The following SIRT5 variants were observed in gnomAD, a reference collection of about 807,000 sequenced individuals.
SIRT5 encodes sirtuin 5.
Under a neutral mutation model 40.0 loss-of-function variants are expected in SIRT5, and 26 were observed. The ratio of observed to expected loss-of-function variants is 0.65; its 90% confidence interval spans 0.48 to 0.90. SIRT5 has a LOEUF of 0.90. Ranked by LOEUF, SIRT5 falls within the 40% of genes least tolerant of loss-of-function variation. The probability of loss-of-function intolerance (pLI) is 0.00; values close to 1 mark genes in which losing one functional copy is unlikely to be tolerated. For synonymous variants in SIRT5, 146 were observed against 149.1 expected (o/e 0.98, Z 0.15); for missense variants, 401 against 402.4 (o/e 1.00, Z 0.03).
At chr6:13,582,790 G>T (rs537172819) in intron 2 of SIRT5, among the ~76,000 whole-genome samples, 11 of 152,248 alleles carry the variant, frequency 7.2e-5, no homozygotes, top group Non-Finnish European at 1.5e-4. Context: ...TATAGACAAA[G>T]ATTTACTGAA....
chr6:13,584,356 C>CT, intron 3 of SIRT5, 131 bp downstream of exon 3: 2 of 675,132 alleles, frequency 3.0e-6, no homozygotes, highest in South Asian at 1.8e-5. Context: ...CTGTCATCTT[C>CT]TCTTTTTTTT....
chr6:13,596,010 CAAA>C (rs1285562806), intron 6 of SIRT5, among the ~76,000 whole-genome samples: 1 of 151,814 alleles, frequency 6.6e-6, no homozygotes, highest in South Asian at 2.1e-4. Flanking sequence ...AACAAACAAA[CAAA>C]AAAACTAAAT....
chr6:13,575,756 C>T (rs892296748), intron 1 of SIRT5, among the ~76,000 whole-genome samples: 2 of 152,140 alleles, frequency 1.3e-5, no homozygotes, highest in African/African-American at 2.4e-5. Flanking sequence ...AAAACTTACT[C>T]CTCTTACCTA....
intron 1 of SIRT5, among the ~76,000 whole-genome samples, chr6:13,578,777 G>T (rs1168287239): frequency 6.6e-6 from 1 of 151,282 alleles, no homozygotes; most frequent in African/African-American, 2.4e-5. Context: ...TTCAGAATTG[G>T]TAGGGTGCCC....
rs1761655726 is a variant in SIRT5, at chr6:13,597,070, A to G, written c.617+54A>G. The G allele has an allele frequency of 2.9e-6, 4 of 1,378,836 alleles. No individual in the cohort carries two copies. The South Asian group carries it at 5.0e-5, about 17-fold the overall frequency. 85.4% of individuals were successfully genotyped at this position (1,378,836 alleles called of 1,614,324 possible). On this transcript the variant is annotated intron_variant, in intron 7 of 9. Coordinates refer to ENST00000606117, the MANE Select transcript of SIRT5 (RefSeq NM_012241.5). ...TGTTCCAGGTTACCAAAACAAAAAAAAAAACAGACATCAAAACCTAAACAT... is the reference window on the plus strand; with the variant it reads ...TGTTCCAGGTTACCAAAACAAAAAAGAAAACAGACATCAAAACCTAAACAT...
At chr6:13,591,923 G>A in intron 5 of SIRT5, 29 bp downstream of exon 5, 1 of 1,600,000 alleles carries the variant, frequency 6.3e-7, no homozygotes, top group South Asian at 1.1e-5. Context: ...CCCATTCAGG[G>A]AACCAGCTTT....
At position 13,591,751 on chromosome 6, in the gene SIRT5, G is replaced by A. The variant is rs532065496; in HGVS notation, c.332G>A (p.Ser111Asn). ...CACTACCGGCGGGAGGTCATGGGGA[G>A]CAAGGAGCCCAACGCCGGGCACCGC... Reference protein sequence around the residue: ...FYHYRREVMGSKEPNAGHRAI... With the variant: ...FYHYRREVMGNKEPNAGHRAI... The change falls in exon 5 of 10, where the codon AGC becomes AAC. Residue 111 changes from serine (S) to asparagine (N), a missense_variant. Transcript: ENST00000606117. The A allele has an allele frequency of 4.3e-6, 7 of 1,613,306 alleles. No homozygotes were observed. The African/African-American group carries it at 5.3e-5, about 12-fold the overall frequency.
chr6:13,596,431 C>T (rs950457364), intron 6 of SIRT5, among the ~76,000 whole-genome samples: 16 of 152,050 alleles, frequency 1.1e-4, no homozygotes, highest in African/African-American at 3.9e-4. Flanking sequence ...CCTTGGCACA[C>T]CCAGCCACTC....
At chr6:13,597,709 C>T (rs1173790888) in intron 7 of SIRT5, among the ~76,000 whole-genome samples, 1 of 152,056 alleles carries the variant, frequency 6.6e-6, no homozygotes, top group Non-Finnish European at 1.5e-5. Context: ...CCACGCCTGG[C>T]TATTTTTTGT....
At chr6:13,608,134 A>G (rs897794376) in intron 9 of SIRT5, among the ~76,000 whole-genome samples, 1 of 152,230 alleles carries the variant, frequency 6.6e-6, no homozygotes, top group African/African-American at 2.4e-5. Context: ...TGAATGTTAT[A>G]ACTATCTGGT....
At chr6:13,578,304 C>T (rs757012021) in intron 1 of SIRT5, among the ~76,000 whole-genome samples, 17 of 152,146 alleles carry the variant, frequency 1.1e-4, no homozygotes, top group Non-Finnish European at 2.2e-4. Context: ...CAGGGTAATA[C>T]TGGCCTCCTA....
chr6:13,579,123 A>G (rs562091748), intron 1 of SIRT5, among the ~76,000 whole-genome samples: 39 of 152,180 alleles, frequency 2.6e-4, no homozygotes, highest in Non-Finnish European at 5.1e-4. Flanking sequence ...GGAAACTAGA[A>G]CCACTGCCTG....
In SIRT5 at chr6:13,577,012, G is replaced by A. The variant is rs570306576; in HGVS notation, c.-195+2268G>A. On this transcript the variant is annotated intron_variant, in intron 1 of 9. Coordinates refer to ENST00000606117, the MANE Select transcript of SIRT5 (RefSeq NM_012241.5). ...CTATTCCTGTTCCATTGGTTGATGTGCCGATTTTTATGCCAGTGCCATGCA... is the reference window on the plus strand; with the variant it reads ...CTATTCCTGTTCCATTGGTTGATGTACCGATTTTTATGCCAGTGCCATGCA... 2.5e-4 allele frequency among the ~76,000 whole-genome samples: 38 copies of A among 152,242 alleles called. No homozygotes were observed. The South Asian group carries it at 7.7e-3, about 31-fold the overall frequency.
At chr6:13,604,218 A>G (rs1052334486) in intron 9 of SIRT5, among the ~76,000 whole-genome samples, 4 of 152,252 alleles carry the variant, frequency 2.6e-5, no homozygotes, top group African/African-American at 4.8e-5. Context: ...GCTGTTAGAT[A>G]AAAAGTTAAA....
chr6:13,576,232 T>A (rs186944052), intron 1 of SIRT5, among the ~76,000 whole-genome samples: 4 of 152,354 alleles, frequency 2.6e-5, no homozygotes, highest in African/African-American at 7.2e-5. Flanking sequence ...GCCTCCATAC[T>A]GTTTTCCAAA....
At chr6:13,581,747 C>T (rs1052876258) in intron 2 of SIRT5, among the ~76,000 whole-genome samples, 6 of 152,170 alleles carry the variant, frequency 3.9e-5, no homozygotes, top group Non-Finnish European at 7.3e-5. Context: ...ACATAAACCA[C>T]GTCACAGAGC....
At chr6:13,594,248 T>C (rs1050410658) in intron 5 of SIRT5, among the ~76,000 whole-genome samples, 3 of 152,200 alleles carry the variant, frequency 2.0e-5, no homozygotes, top group African/African-American at 7.2e-5. Context: ...GATGATGATG[T>C]TACAGTCTCA....
intron 1 of SIRT5, 62 bp downstream of exon 1, chr6:13,574,806 G>A (rs1001674098): frequency 6.6e-6 from 1 of 152,468 alleles, no homozygotes; most frequent in Non-Finnish European, 1.5e-5. Context: ...ATGGAAACGG[G>A]GTTGGAAAGT....
At chr6:13,596,852 A>G (rs916658809) in intron 6 of SIRT5, 111 bp from the exon 7 acceptor site, 35 of 771,146 alleles carry the variant, frequency 4.5e-5, no homozygotes, top group Admixed American at 1.1e-4. Flanking sequence ...TGTATTAATT[A>G]GGAGTTTTAT....
Sources: allele counts gnomAD v4.1 joint callset (sites outside exome capture counted in the v4.1 genomes callset), GRCh38; gene constraint gnomAD v4.1.1; transcripts MANE v1.5; gene names NCBI Gene and HGNC (gene_info 2026-07-23, HGNC 2026-07-21).